The following GNB5 variants were observed in gnomAD, a reference collection of about 807,000 sequenced individuals.
GNB5 encodes G protein subunit beta 5, also known as guanine nucleotide-binding protein subunit beta-5.
Under a neutral mutation model 55.3 loss-of-function variants are expected in GNB5, and 37 were observed. The ratio of observed to expected loss-of-function variants is 0.67; its 90% CI spans 0.51 to 0.88. The LOEUF is 0.88. GNB5 is among the 40% of genes least tolerant of loss of function. GNB5 has a pLI of 0.00. For missense variants in GNB5, 476 were observed against 515.3 expected (o/e 0.92, Z 0.74); for synonymous variants, 219 against 198.5 (o/e 1.10, Z -0.87).
chr15:52,177,569 T>G (rs1391068115), intron 3 of GNB5, among the ~76,000 whole-genome samples: 1 of 151,044 alleles, frequency 6.6e-6, no homozygotes, highest in Non-Finnish European at 1.5e-5. Flanking sequence ...GAGAAACACT[T>G]GAACCTGGGA....
At chr15:52,162,202 T>C (rs1473693111) in intron 3 of GNB5, among the ~76,000 whole-genome samples, 1 of 152,194 alleles carries the variant, frequency 6.6e-6, no homozygotes. Flanking sequence ...CCCTGCTCTG[T>C]AAAATGAGGG....
intron 4 of GNB5, 91 bp from the exon 5 acceptor site, chr15:52,150,016 A>C: frequency 1.1e-6 from 1 of 933,686 alleles, no homozygotes; most frequent in Non-Finnish European, 1.8e-6. Context: ...CCAGCAGGGC[A>C]GTGTGAAGTA....
intron 7 of GNB5, among the ~76,000 whole-genome samples, chr15:52,136,500 G>A (rs970976718): frequency 2.0e-5 from 3 of 152,094 alleles, no homozygotes; most frequent in East Asian, 1.9e-4. Flanking sequence ...GGGCCTGAGC[G>A]TCTACACTTC....
chr15:52,175,654 G>A (rs1419688817), intron 3 of GNB5, among the ~76,000 whole-genome samples: 2 of 152,152 alleles, frequency 1.3e-5, no homozygotes, highest in Non-Finnish European at 2.9e-5. Context: ...CAGGAGAATC[G>A]CTTGAACCTG....
intron 7 of GNB5, chr15:52,139,568 A>G (rs2141198989): frequency 4.6e-6 from 1 of 218,858 alleles, no homozygotes; most frequent in Non-Finnish European, 9.6e-6. Flanking sequence ...AACCTTATGC[A>G]GGACAGATTT....
At chr15:52,165,289 C>T in intron 3 of GNB5, among the ~76,000 whole-genome samples, 1 of 152,172 alleles carries the variant, frequency 6.6e-6, no homozygotes, top group East Asian at 1.9e-4. Flanking sequence ...AAACATACTT[C>T]AGGATATCAT....
intron 8 of GNB5, 109 bp downstream of exon 8, chr15:52,135,504 G>T: frequency 1.1e-6 from 1 of 946,224 alleles, no homozygotes; most frequent in Non-Finnish European, 1.6e-6. Context: ...AATTCCTGCA[G>T]CCCCTTCTAG....
At chr15:52,129,829 G>A (rs990875768) in intron 9 of GNB5, among the ~76,000 whole-genome samples, 2 of 152,174 alleles carry the variant, frequency 1.3e-5, no homozygotes, top group African/African-American at 2.4e-5. Context: ...GATGGTAAAT[G>A]TCTTACATGG....
intron 3 of GNB5, among the ~76,000 whole-genome samples, chr15:52,178,847 G>A (rs1566950201): frequency 1.3e-5 from 2 of 152,196 alleles, no homozygotes; most frequent in Admixed American, 6.5e-5. Flanking sequence ...AGGAATGGCA[G>A]GAGAACAACG....
At chr15:52,161,136 G>A (rs1029151096) in intron 3 of GNB5, among the ~76,000 whole-genome samples, 1 of 152,134 alleles carries the variant, frequency 6.6e-6, no homozygotes, top group African/African-American at 2.4e-5. Flanking sequence ...GAGAGGCTAA[G>A]GACCTCATGC....
intron 1 of GNB5, among the ~76,000 whole-genome samples, chr15:52,188,660 C>T (rs187604895): frequency 1.5e-4 from 23 of 152,336 alleles, no homozygotes; most frequent in African/African-American, 5.5e-4. Context: ...CAAATTTTGA[C>T]ATGAAGTTGC....
chr15:52,136,153 C>CAG (rs1384096818), intron 7 of GNB5, among the ~76,000 whole-genome samples: 24 of 138,014 alleles, frequency 1.7e-4, no homozygotes, highest in Admixed American at 4.4e-4. Flanking sequence ...CACACACACA[C>CAG]ACACACACAC....
Position 52,117,260 on chromosome 15 carries a change from GCA to G in GNB5, c.*5495_*5496del, listed in dbSNP as rs1188268596. ...TGTTTTTCTTTACCTCCTGGAATAT[GCA>G]CACAGTTTACTACAGCACACATATT... On this transcript the variant is annotated 3_prime_UTR_variant, in exon 13 of 13. Transcript: ENST00000261837. 6.6e-6 allele frequency: 1 copy of G among 151,534 alleles called. No homozygotes were observed. Among genetic ancestry groups the G allele is most frequent in the African/African-American group, 2.4e-5 (1 of 41,178 alleles). The allele number at this position is 151,534 out of a possible 1,614,324, so 9.4% of individuals were successfully genotyped here. A position where few individuals can be genotyped will look rare whatever the true frequency, so the allele number is the denominator to read the frequency against.
intron 3 of GNB5, among the ~76,000 whole-genome samples, chr15:52,178,078 C>T (rs1042316448): frequency 1.3e-5 from 2 of 152,212 alleles, no homozygotes; most frequent in Non-Finnish European, 2.9e-5. Flanking sequence ...TCCAGGCATG[C>T]AGCCTGCACT....
chr15:52,153,084 CTG>C (rs757151965), intron 4 of GNB5, among the ~76,000 whole-genome samples: 27 of 152,262 alleles, frequency 1.8e-4, no homozygotes, highest in Non-Finnish European at 2.9e-4. Context: ...TCTCTTTCCT[CTG>C]TGTATCAGGG....
At chr15:52,133,955 C>A (rs925654026) in intron 8 of GNB5, among the ~76,000 whole-genome samples, 2 of 152,214 alleles carry the variant, frequency 1.3e-5, no homozygotes, top group African/African-American at 4.8e-5. Flanking sequence ...TATGGGGCAG[C>A]CCTCAGCAAA....
At chr15:52,155,647 TC>T (rs1395408598) in intron 3 of GNB5, among the ~76,000 whole-genome samples, 3 of 152,214 alleles carry the variant, frequency 2.0e-5, no homozygotes, top group African/African-American at 7.2e-5. Context: ...ATATTTAGCC[TC>T]CAGTTATATT....
intron 8 of GNB5, among the ~76,000 whole-genome samples, chr15:52,135,027 C>G (rs2033668686): frequency 6.6e-6 from 1 of 152,072 alleles, no homozygotes; most frequent in Non-Finnish European, 1.5e-5. Context: ...GGCACCCTGA[C>G]TCCTAGTCTA....
chr15:52,181,253 T>C (rs1271217069), intron 2 of GNB5: 1 of 152,196 alleles, frequency 6.6e-6, no homozygotes, highest in Non-Finnish European at 1.5e-5. Flanking sequence ...GAGTCTGGGA[T>C]CCTCCGTTTC....
Sources: allele counts gnomAD v4.1 joint callset (sites outside exome capture counted in the v4.1 genomes callset), GRCh38; gene constraint gnomAD v4.1.1; transcripts MANE v1.5; gene names NCBI Gene and HGNC (gene_info 2026-07-23, HGNC 2026-07-21).